The following SLC24A4 variants were observed in gnomAD, a reference collection of about 807,000 sequenced individuals.
The protein encoded by SLC24A4 is sodium/potassium/calcium exchanger 4.
A neutral mutation model predicts 79.0 loss-of-function variants in SLC24A4; 53 were observed. The observed-to-expected ratio is 0.67, with a 90% confidence interval of 0.54 to 0.84. The LOEUF (loss-of-function observed/expected upper bound fraction) is 0.84, where lower values mean the gene tolerates loss of function less well. SLC24A4 is among the 40% of genes least tolerant of loss of function. The pLI is 0.00. For missense variants in SLC24A4, 731 were observed against 822.0 expected (o/e 0.89, Z 1.35); for synonymous variants, 323 against 323.8 (o/e 1.00, Z 0.03).
rs186121659 is a variant in SLC24A4, at chr14:92,366,530, T to C, written c.241+40552T>C. The stretch of plus-strand genomic sequence containing the variant: ...GATATTGATTGGTGTCAGGTTTTAC[T>C]GGAGTGTCATGCACAGGGCTACCCT... On this transcript the variant is annotated intron_variant, in intron 2 of 16. Transcript: ENST00000532405. Among the ~76,000 whole-genome samples, 376 of 152,334 alleles carry C rather than the reference T, an allele frequency of 2.5e-3. 1 individual carries two copies. Among genetic ancestry groups the C allele is most frequent in the Middle Eastern group, 0.01 (3 of 294 alleles).
chr14:92,429,223 G>A (rs1264116435), intron 2 of SLC24A4, among the ~76,000 whole-genome samples: 1 of 152,064 alleles, frequency 6.6e-6, no homozygotes, highest in African/African-American at 2.4e-5. Context: ...GTGCAGGGAG[G>A]GGTGATTACA....
chr14:92,358,267 C>T (rs549239730), intron 2 of SLC24A4, among the ~76,000 whole-genome samples: 1 of 152,334 alleles, frequency 6.6e-6, no homozygotes, highest in South Asian at 2.1e-4. Context: ...TCTTCTCCAT[C>T]CATCTAAAGA....
chr14:92,390,171 C>G (rs927264052), intron 2 of SLC24A4, among the ~76,000 whole-genome samples: 2 of 152,126 alleles, frequency 1.3e-5, no homozygotes, highest in African/African-American at 2.4e-5. Context: ...CCCTCCAGAG[C>G]CCAGTCGTCC....
At chr14:92,487,150 T>C (rs865823499) in intron 14 of SLC24A4, among the ~76,000 whole-genome samples, 1 of 152,356 alleles carries the variant, frequency 6.6e-6, no homozygotes, top group Middle Eastern at 3.4e-3. Flanking sequence ...TGGCATCCTA[T>C]ACATCCAACT....
At chr14:92,357,694 T>TG (rs1304549851) in intron 2 of SLC24A4, among the ~76,000 whole-genome samples, 1 of 152,044 alleles carries the variant, frequency 6.6e-6, no homozygotes, top group African/African-American at 2.4e-5. Context: ...ACTGGGGCGA[T>TG]GGGGGAGTTA....
chr14:92,474,857 ATATATAT>A, intron 12 of SLC24A4, among the ~76,000 whole-genome samples: 1 of 33,738 alleles, frequency 3.0e-5, no homozygotes, highest in South Asian at 1.0e-3. Flanking sequence ...ATATATATAT[ATATATAT>A]TTTTTTTTTT....
Position 92,465,136 on chromosome 14 carries a change from A to G in SLC24A4, c.1255+8528A>G, listed in dbSNP as rs145021275. Reference sequence around the variant, plus strand: ...ATGCAGCCTCGATTTAATGCTCCCCAGGGCCTCCAAATTCAAGGTGAGGCC... The same window carrying G: ...ATGCAGCCTCGATTTAATGCTCCCCGGGGCCTCCAAATTCAAGGTGAGGCC... On this transcript the variant is annotated intron_variant, in intron 12 of 16. Transcript: ENST00000532405. Among the ~76,000 whole-genome samples the G allele has an allele frequency of 6.3e-3, 967 of 152,322 alleles. 7 individuals are homozygous for G. Among genetic ancestry groups the G allele is most frequent in the African/African-American group, 0.022 (910 of 41,576 alleles).
At chr14:92,488,691 A>G (rs997904919) in intron 14 of SLC24A4, among the ~76,000 whole-genome samples, 3 of 151,800 alleles carry the variant, frequency 2.0e-5, no homozygotes, top group Non-Finnish European at 4.4e-5. Context: ...AGCCCAGTAC[A>G]GTGAGTACAA....
At chr14:92,486,510 T>G (rs55802822) in intron 13 of SLC24A4, among the ~76,000 whole-genome samples, 156 bp from the exon 14 acceptor site, 12,400 of 151,870 alleles carry the variant, frequency 0.082, 597 homozygotes, top group East Asian at 0.18. Context: ...TCAGTGGGGG[T>G]TTTTTTTGTT....
At chr14:92,421,448 A>G (rs532325301) in intron 2 of SLC24A4, among the ~76,000 whole-genome samples, 1 of 152,100 alleles carries the variant, frequency 6.6e-6, no homozygotes, top group Non-Finnish European at 1.5e-5. Flanking sequence ...TGGGCACCAT[A>G]TAAATGAGAT....
intron 2 of SLC24A4, among the ~76,000 whole-genome samples, chr14:92,331,750 A>T (rs1397081432): frequency 1.3e-5 from 2 of 152,198 alleles, no homozygotes; most frequent in Non-Finnish European, 2.9e-5. Flanking sequence ...TGCATGGGTC[A>T]CTTCTATGTG....
At chr14:92,457,176 G>C (rs1893524213) in intron 12 of SLC24A4, 2 of 157,692 alleles carry the variant, frequency 1.3e-5, no homozygotes, top group Non-Finnish European at 2.8e-5. Flanking sequence ...TCTGACCTGC[G>C]AGGCCCCATG....
At chr14:92,487,119 G>T (rs536697535) in intron 14 of SLC24A4, among the ~76,000 whole-genome samples, 1 of 152,178 alleles carries the variant, frequency 6.6e-6, no homozygotes, top group Non-Finnish European at 1.5e-5. Flanking sequence ...GAAACATTCT[G>T]GTCCCAGAAA....
intron 9 of SLC24A4, among the ~76,000 whole-genome samples, chr14:92,447,689 G>A (rs1027538161): frequency 6.6e-6 from 1 of 152,218 alleles, no homozygotes; most frequent in African/African-American, 2.4e-5. Flanking sequence ...CAGACAAGTA[G>A]CATGCAAGGG....
chr14:92,331,968 C>T (rs541505977), intron 2 of SLC24A4, among the ~76,000 whole-genome samples: 25 of 152,138 alleles, frequency 1.6e-4, no homozygotes, highest in Non-Finnish European at 3.2e-4. Context: ...GTGTATAATA[C>T]ATGTGACATA....
intron 2 of SLC24A4, among the ~76,000 whole-genome samples, chr14:92,420,407 G>A (rs1370144041): frequency 6.6e-6 from 1 of 152,130 alleles, no homozygotes; most frequent in Non-Finnish European, 1.5e-5. Flanking sequence ...TTGAACCTGG[G>A]GGCAGAGGTT....
chr14:92,386,485 A>G (rs868035520), intron 2 of SLC24A4, among the ~76,000 whole-genome samples: 10 of 152,150 alleles, frequency 6.6e-5, no homozygotes, highest in South Asian at 4.1e-4. Context: ...TCCAGCCAGG[A>G]GCAAGAAAGA....
chr14:92,344,057 A>G (rs773801004), intron 2 of SLC24A4, among the ~76,000 whole-genome samples: 1 of 152,202 alleles, frequency 6.6e-6, no homozygotes, highest in African/African-American at 2.4e-5. Context: ...ACTTACTTCC[A>G]GATCTTCCTG....
chr14:92,443,610 A>G (rs1892627934), intron 7 of SLC24A4, 136 bp downstream of exon 7: 2 of 895,514 alleles, frequency 2.2e-6, no homozygotes, highest in East Asian at 5.2e-5. Context: ...CCAGCCACTC[A>G]CTGCGGTCAC....
Sources: gnomAD v4.1 joint callset for allele counts (sites outside exome capture counted in the v4.1 genomes callset) on GRCh38, gnomAD v4.1.1 for gene constraint, MANE v1.5 for transcripts, NCBI Gene and HGNC (gene_info 2026-07-23, HGNC 2026-07-21) for gene names.